Variants in PLXDC2 observed in about 807,000 individuals in gnomAD.
PLXDC2 encodes the protein plexin domain containing 2.
A neutral mutation model predicts 68.9 loss-of-function variants in PLXDC2; 40 were observed. The ratio of observed to expected loss-of-function variants is 0.58; its 90% confidence interval spans 0.45 to 0.76. The LOEUF (loss-of-function observed/expected upper bound fraction) is 0.76, where lower values mean the gene tolerates loss of function less well. Ranked by LOEUF, PLXDC2 falls within the 30% of genes least tolerant of loss-of-function variation. The probability of loss-of-function intolerance (pLI) is 0.00; values close to 1 mark genes in which losing one functional copy is unlikely to be tolerated. For synonymous variants in PLXDC2, 243 were observed against 234.2 expected (o/e 1.04, Z -0.34); for missense variants, 644 against 661.9 (o/e 0.97, Z 0.30).
chr10:20,205,434 C>T (rs1834977912), intron 9 of PLXDC2, among the ~76,000 whole-genome samples: 1 of 152,024 alleles, frequency 6.6e-6, no homozygotes, highest in African/African-American at 2.4e-5. Flanking sequence ...ATTTACAAAA[C>T]CATGTAATTT....
intron 13 of PLXDC2, among the ~76,000 whole-genome samples, chr10:20,247,627 C>T (rs754937851): frequency 1.1e-4 from 17 of 152,190 alleles, no homozygotes; most frequent in Non-Finnish European, 2.2e-4. Flanking sequence ...ACTCTATCTG[C>T]AGGGATACAC....
chr10:19,969,317 T>C (rs1394385707), intron 1 of PLXDC2, among the ~76,000 whole-genome samples: 4 of 152,358 alleles, frequency 2.6e-5, no homozygotes, highest in Non-Finnish European at 5.9e-5. Flanking sequence ...CAGTGGAAAT[T>C]AAATCCCACG....
At chr10:20,183,156 A>G (rs910335275) in intron 9 of PLXDC2, among the ~76,000 whole-genome samples, 2 of 151,986 alleles carry the variant, frequency 1.3e-5, no homozygotes, top group African/African-American at 4.8e-5. Flanking sequence ...TGAGATGCCT[A>G]TCAGACTTCA....
chr10:20,180,231 A>G (rs1456859071), intron 9 of PLXDC2, among the ~76,000 whole-genome samples: 3 of 152,034 alleles, frequency 2.0e-5, no homozygotes, highest in Non-Finnish European at 2.9e-5. Context: ...CGCTACTAAA[A>G]AAAACTACAA....
intron 9 of PLXDC2, among the ~76,000 whole-genome samples, chr10:20,199,759 T>G (rs919786333): frequency 4.6e-5 from 7 of 151,904 alleles, no homozygotes; most frequent in African/African-American, 7.2e-5. Context: ...TAGAATGTGA[T>G]TATAAAAATT....
intron 7 of PLXDC2, among the ~76,000 whole-genome samples, chr10:20,170,542 C>A (rs1029236942): frequency 1.3e-5 from 2 of 152,106 alleles, no homozygotes; most frequent in Non-Finnish European, 2.9e-5. Context: ...ATAACCTTAA[C>A]AAACAAAAAC....
intron 1 of PLXDC2, among the ~76,000 whole-genome samples, chr10:19,986,388 A>G (rs1564647934): frequency 6.6e-6 from 1 of 152,160 alleles, no homozygotes; most frequent in East Asian, 1.9e-4. Context: ...AAATCCAATA[A>G]CAGGTTAACA....
Position 20,143,363 on chromosome 10 carries a change from G to T in PLXDC2, c.610G>T (p.Ala204Ser), listed in dbSNP as rs563330084. ...TATQYIAPLM[A>S]NFDPSVSRNS... ...CACACAGTACATAGCACCTTTAATG[G>T]CAAATTTCGATCCCAGTGTATCCAG... The change falls in exon 5 of 14, where the codon GCA (alanine) becomes TCA (serine). Residue 204 changes from alanine (A) to serine (S), a missense_variant. This residue lies in a region of PLXDC2 where 113 missense variants were observed against 167.1 expected (regional missense o/e 0.68). Transcript: ENST00000377252. 1 of 1,613,068 alleles carries T rather than the reference G, an allele frequency of 6.2e-7. No individual in the cohort carries two copies. Among genetic ancestry groups the T allele is most frequent in the African/African-American group, 1.3e-5 (1 of 74,962 alleles).
chr10:20,279,901 C>A lies in PLXDC2; in HGVS notation c.*82C>A. ...TGCCTATACCTTTAAGACAAACAAA[C>A]AAACACACACACAAACAAGCTCTAA... On this transcript the variant is annotated 3_prime_UTR_variant, in exon 14 of 14. Coordinates refer to ENST00000377252, the MANE Select transcript of PLXDC2 (RefSeq NM_032812.9). 2.0e-6 allele frequency: 2 copies of A among 978,256 alleles called. No individual in the cohort carries two copies. The highest frequency in any genetic ancestry group is 3.2e-6 in the Non-Finnish European group (2 of 618,100). 60.6% of individuals were successfully genotyped at this position (978,256 alleles called of 1,614,324 possible).
At chr10:20,246,916 A>G (rs915068592) in intron 13 of PLXDC2, among the ~76,000 whole-genome samples, 1 of 152,182 alleles carries the variant, frequency 6.6e-6, no homozygotes, top group East Asian at 1.9e-4. Context: ...GGGGTGAATA[A>G]ATGCAAATCA....
intron 4 of PLXDC2, among the ~76,000 whole-genome samples, chr10:20,090,360 G>A (rs1273369965): frequency 6.6e-6 from 1 of 152,142 alleles, no homozygotes; most frequent in African/African-American, 2.4e-5. Context: ...GGTAATAGAG[G>A]ATTAGGAAGC....
At chr10:20,101,924 A>C (rs1322600019) in intron 4 of PLXDC2, among the ~76,000 whole-genome samples, 1 of 151,810 alleles carries the variant, frequency 6.6e-6, no homozygotes, top group East Asian at 1.9e-4. Flanking sequence ...CAGCTTCCCG[A>C]GTAGCTGGGA....
intron 4 of PLXDC2, among the ~76,000 whole-genome samples, chr10:20,117,584 T>G (rs957577421): frequency 5.1e-4 from 77 of 152,130 alleles, no homozygotes; most frequent in African/African-American, 1.8e-3. Flanking sequence ...AGTTGACCGA[T>G]GAATCAGAGT....
chr10:19,971,847 A>G (rs529144006), intron 1 of PLXDC2, among the ~76,000 whole-genome samples: 1 of 152,296 alleles, frequency 6.6e-6, no homozygotes, highest in African/African-American at 2.4e-5. Flanking sequence ...TACATGTGAT[A>G]TAAGTCAGCA....
At chr10:19,880,094 T>TAA (rs1837700767) in intron 1 of PLXDC2, among the ~76,000 whole-genome samples, 1 of 152,224 alleles carries the variant, frequency 6.6e-6, no homozygotes, top group African/African-American at 2.4e-5. Context: ...ATCAGTCCTT[T>TAA]AATGCTTGGG....
chr10:19,901,288 C>T (rs1255100689), intron 1 of PLXDC2, among the ~76,000 whole-genome samples: 1 of 152,100 alleles, frequency 6.6e-6, no homozygotes, highest in Non-Finnish European at 1.5e-5. Flanking sequence ...TTTACATTCC[C>T]ACCAGCAGTG....
intron 6 of PLXDC2, among the ~76,000 whole-genome samples, chr10:20,159,813 G>A (rs150939311): frequency 2.4e-4 from 37 of 152,258 alleles, no homozygotes; most frequent in East Asian, 1.7e-3. Flanking sequence ...TCTACCCACA[G>A]TTGTTTCCCA....
At chr10:19,897,986 C>A (rs921502720) in intron 1 of PLXDC2, among the ~76,000 whole-genome samples, 2 of 152,072 alleles carry the variant, frequency 1.3e-5, no homozygotes, top group African/African-American at 2.4e-5. Flanking sequence ...ATACCTGTTT[C>A]CCCTGTAACA....
intron 1 of PLXDC2, among the ~76,000 whole-genome samples, chr10:19,924,976 C>T (rs1340870163): frequency 6.6e-6 from 1 of 152,152 alleles, no homozygotes; most frequent in East Asian, 1.9e-4. Context: ...TTATCGGTTA[C>T]CTCGCCATGC....
Sources: gnomAD v4.1 joint callset for allele counts (sites outside exome capture counted in the v4.1 genomes callset) on GRCh38, gnomAD v4.1.1 for gene constraint, gnomAD v4.1.1 regional missense constraint, MANE v1.5 for transcripts, NCBI Gene and HGNC (gene_info 2026-07-23, HGNC 2026-07-21) for gene names.